NLGN1: variants seen among roughly 807,000 people sequenced by gnomAD.
NLGN1 encodes neuroligin-1.
In NLGN1, 12 loss-of-function variants were observed where a neutral mutation model predicts 65.5. The ratio of observed to expected loss-of-function variants is 0.18; its 90% CI spans 0.12 to 0.30. The LOEUF (loss-of-function observed/expected upper bound fraction) is 0.30. Ranked by LOEUF, NLGN1 falls within the 10% of genes least tolerant of loss-of-function variation. The pLI is 1.00. For missense variants in NLGN1, 750 were observed against 1,007.1 expected (o/e 0.74, Z 3.46); for synonymous variants, 350 against 359.5 (o/e 0.97, Z 0.30).
chr3:173,797,527 T>C (rs1400614986), intron 3 of NLGN1, among the ~76,000 whole-genome samples: 1 of 152,054 alleles, frequency 6.6e-6, no homozygotes, highest in Non-Finnish European at 1.5e-5. Flanking sequence ...GCTGAAGCAA[T>C]ATTTGTATTT....
At chr3:173,402,096 C>T (rs149489936) in intron 1 of NLGN1, among the ~76,000 whole-genome samples, 85 of 152,208 alleles carry the variant, frequency 5.6e-4, no homozygotes, top group African/African-American at 1.9e-3. Context: ...TCTATTGTTT[C>T]AATATTTCTT....
chr3:173,739,985 C>T (rs1774385472), intron 3 of NLGN1, among the ~76,000 whole-genome samples: 1 of 151,994 alleles, frequency 6.6e-6, no homozygotes, highest in African/African-American at 2.4e-5. Flanking sequence ...GGGATGAGAT[C>T]ATTGTAACTG....
chr3:174,172,444 T>G (rs1449649721), intron 4 of NLGN1, among the ~76,000 whole-genome samples: 10 of 151,552 alleles, frequency 6.6e-5, no homozygotes, highest in Admixed American at 3.3e-4. Context: ...CACTTCATAT[T>G]TTAAGGTCTT....
intron 4 of NLGN1, among the ~76,000 whole-genome samples, chr3:173,949,914 C>G (rs1259982056): frequency 6.6e-6 from 1 of 151,996 alleles, no homozygotes; most frequent in Non-Finnish European, 1.5e-5. Context: ...GGAGAGATTT[C>G]CATTTATATA....
intron 4 of NLGN1, among the ~76,000 whole-genome samples, chr3:174,171,615 A>G (rs1251246318): frequency 1.3e-5 from 2 of 152,208 alleles, no homozygotes; most frequent in Non-Finnish European, 2.9e-5. Flanking sequence ...GCTGCTAATA[A>G]AATTGGGTAA....
intron 2 of NLGN1, among the ~76,000 whole-genome samples, chr3:173,465,842 C>G (rs1168846285): frequency 6.6e-6 from 1 of 152,004 alleles, no homozygotes; most frequent in African/African-American, 2.4e-5. Flanking sequence ...AAAGAAGATT[C>G]CATCGACAGT....
chr3:173,606,094 T>C (rs969390242), intron 3 of NLGN1, among the ~76,000 whole-genome samples: 4 of 152,124 alleles, frequency 2.6e-5, no homozygotes, highest in Non-Finnish European at 5.9e-5. Flanking sequence ...TGAGCAATTA[T>C]TATTATTAAG....
chr3:173,698,974 A>T (rs1339429712), intron 3 of NLGN1, among the ~76,000 whole-genome samples: 1 of 152,088 alleles, frequency 6.6e-6, no homozygotes, highest in Non-Finnish European at 1.5e-5. Context: ...CTCCTGCCTC[A>T]GCCTCCCGAG....
chr3:173,551,760 A>G (rs1343011060), intron 2 of NLGN1, among the ~76,000 whole-genome samples: 1 of 152,122 alleles, frequency 6.6e-6, no homozygotes, highest in Non-Finnish European at 1.5e-5. Context: ...TTTACTACTC[A>G]TGTGACCCCC....
At chr3:174,242,954 C>G (rs1339485604) in intron 4 of NLGN1, among the ~76,000 whole-genome samples, 1 of 152,170 alleles carries the variant, frequency 6.6e-6, no homozygotes, top group Non-Finnish European at 1.5e-5. Context: ...ATAATTACTT[C>G]TAGAAATAAA....
downstream of NLGN1, among the ~76,000 whole-genome samples, chr3:174,286,915 A>G (rs987406964): frequency 5.9e-5 from 9 of 151,596 alleles, no homozygotes; most frequent in Admixed American, 5.9e-4. Flanking sequence ...AGAATGGAAA[A>G]AGGAGGAAGT....
At chr3:173,638,462 T>G (rs2149576265) in intron 3 of NLGN1, among the ~76,000 whole-genome samples, 1 of 152,196 alleles carries the variant, frequency 6.6e-6, no homozygotes, top group South Asian at 2.1e-4. Flanking sequence ...AAAATAAAAT[T>G]TAAGATCATA....
intron 4 of NLGN1, among the ~76,000 whole-genome samples, chr3:174,169,725 C>G (rs1025563424): frequency 6.6e-6 from 1 of 152,082 alleles, no homozygotes; most frequent in African/African-American, 2.4e-5. Context: ...TTCCAGGTCA[C>G]TAAGCTGGCC....
intron 2 of NLGN1, among the ~76,000 whole-genome samples, chr3:173,444,202 T>C (rs1378194997): frequency 2.6e-5 from 4 of 152,236 alleles, no homozygotes; most frequent in African/African-American, 9.6e-5. Context: ...AAAAGTTTAA[T>C]GGCTGCTCTT....
At chr3:173,783,014 A>AAATG (rs1781414956) in intron 3 of NLGN1, among the ~76,000 whole-genome samples, 1 of 151,694 alleles carries the variant, frequency 6.6e-6, no homozygotes, top group Middle Eastern at 3.2e-3. Context: ...GGGAATAAAT[A>AAATG]TATATGTATA....
At chr3:174,012,774 C>T (rs1725811266) in intron 4 of NLGN1, among the ~76,000 whole-genome samples, 1 of 152,114 alleles carries the variant, frequency 6.6e-6, no homozygotes, top group Non-Finnish European at 1.5e-5. Context: ...CAAAAAGGAC[C>T]ACATTCTCCT....
At chr3:173,758,395 T>A (rs1021159218) in intron 3 of NLGN1, among the ~76,000 whole-genome samples, 15 of 152,204 alleles carry the variant, frequency 9.9e-5, no homozygotes, top group African/African-American at 1.9e-4. Context: ...ATGTATTTTT[T>A]AAAAATTTTC....
At chr3:173,463,597 A>G (rs12489225) in intron 2 of NLGN1, among the ~76,000 whole-genome samples, 73,452 of 152,050 alleles carry the variant, frequency 0.48, 20,217 homozygotes, top group East Asian at 0.84. Flanking sequence ...TCTTCCAAGA[A>G]GATGTCTTGG....
intron 4 of NLGN1, among the ~76,000 whole-genome samples, chr3:174,129,354 AAC>A (rs61122760): frequency 0.12 from 13,798 of 116,408 alleles, 654 homozygotes; most frequent in East Asian, 0.2. Flanking sequence ...CCCGGTTTAC[AAC>A]ACACACACAC....
Sources: gnomAD v4.1 joint callset for allele counts (sites outside exome capture counted in the v4.1 genomes callset) on GRCh38, gnomAD v4.1.1 for gene constraint, MANE v1.5 for transcripts, NCBI Gene and HGNC (gene_info 2026-07-23, HGNC 2026-07-21) for gene names.